The following ITGA3 variants were observed in gnomAD, a reference collection of about 807,000 sequenced individuals.
ITGA3 encodes the protein integrin subunit alpha 3.
In ITGA3, 70 loss-of-function variants were observed where a neutral mutation model predicts 131.1. The ratio of observed to expected loss-of-function variants is 0.53; its 90% confidence interval spans 0.44 to 0.65. The LOEUF is 0.65. Ranked by LOEUF, ITGA3 falls within the 30% of genes least tolerant of loss-of-function variation. ITGA3 has a pLI of 0.00. For missense variants in ITGA3, 1,098 were observed against 1,388.6 expected, an observed-to-expected ratio of 0.79 and a Z score of 3.33; for synonymous variants, 537 against 571.6, an observed-to-expected ratio of 0.94 and a Z score of 0.86.
intron 23 of ITGA3, chr17:50,087,490 G>C (rs1350889804): frequency 4.6e-6 from 2 of 431,992 alleles, no homozygotes; most frequent in African/African-American, 4.0e-5. Flanking sequence ...CAGATGTGTG[G>C]GTCACACACC....
intron 1 of ITGA3, among the ~76,000 whole-genome samples, chr17:50,057,978 T>C (rs1410833845): frequency 6.6e-6 from 1 of 152,238 alleles, no homozygotes; most frequent in African/African-American, 2.4e-5. Context: ...ACCCTCTATC[T>C]TTTGGAGATC....
rs1224301721 is a variant in ITGA3 at position 50,089,721 on chromosome 17, G to A, written c.*643G>A. The A allele has an allele frequency of 5.8e-6, 1 of 173,378 alleles. No individual in the cohort carries two copies. Among genetic ancestry groups the A allele is most frequent in the African/African-American group, 2.4e-5 (1 of 42,486 alleles). 10.7% of individuals were successfully genotyped at this position (173,378 alleles called of 1,614,324 possible). On this transcript the variant is annotated 3_prime_UTR_variant, in exon 26 of 26. Transcript: ENST00000320031. ...ACTTTGCTGTCAAAACTACTGACAG[G>A]GAGCAGCCCCCGGGCCGCTGGCTGG...
chr17:50,085,653 A>C (rs1909354044), intron 23 of ITGA3, among the ~76,000 whole-genome samples: 1 of 147,390 alleles, frequency 6.8e-6, no homozygotes, highest in African/African-American at 2.5e-5. Context: ...AACAGAATGG[A>C]ACTCTGTCTC....
chr17:50,072,801 CAA>C (rs1400546181), intron 7 of ITGA3, among the ~76,000 whole-genome samples: 1 of 151,942 alleles, frequency 6.6e-6, no homozygotes, highest in Non-Finnish European at 1.5e-5. Flanking sequence ...AGGAATGGGA[CAA>C]GGTGGGAGCC....
rs778396793 is a variant in ITGA3, at chr17:50,076,346, C to G, written c.1695C>G (p.Leu565=). 3.7e-6 allele frequency: 6 copies of G among 1,613,686 alleles called. No individual in the cohort carries two copies. The South Asian group carries it at 6.6e-5, about 18-fold the overall frequency. The stretch of plus-strand genomic sequence containing the variant: ...CCCAGGACAACCTCCGTGACAAACT[C>G]CGCCCCATCATCATCTCCATGAACT... ...LLLMDNLRDK[L]RPIIISMNYS... is the part of the protein sequence containing the mutation. The change falls in exon 13 of 26, where the codon CTC becomes CTG. Residue 565 remains leucine, a synonymous_variant. Coordinates refer to ENST00000320031, the MANE Select transcript of ITGA3 (RefSeq NM_002204.4).
chr17:50,070,439 A>G lies in ITGA3; in HGVS notation c.665-405A>G, dbSNP rs553274893. On this transcript the variant is annotated intron_variant, in intron 4 of 25. Transcript: ENST00000320031. ...GGCAGATGGATCACTTGAGGCCAGG[A>G]GTTTGAGACCAGCCTGGCCAACATG... Among the ~76,000 whole-genome samples, 14 of 152,256 alleles carry G rather than the reference A, an allele frequency of 9.2e-5. No homozygotes were observed. In the Middle Eastern group the frequency reaches 0.01, roughly 111 times the overall value.
chr17:50,071,829 G>A, intron 6 of ITGA3, 157 bp from the exon 7 acceptor site: 1 of 671,574 alleles, frequency 1.5e-6, no homozygotes, highest in Non-Finnish European at 2.5e-6. Context: ...GCATCTCCAT[G>A]TCCTTCCCAT....
intron 1 of ITGA3, among the ~76,000 whole-genome samples, chr17:50,058,066 C>G (rs1380495572): frequency 3.3e-5 from 5 of 152,228 alleles, no homozygotes; most frequent in Non-Finnish European, 5.9e-5. Flanking sequence ...ACTTTCAATG[C>G]CAAATCTGCA....
intron 11 of ITGA3, 36 bp from the exon 12 acceptor site, chr17:50,075,563 C>T: frequency 6.2e-7 from 1 of 1,614,216 alleles, no homozygotes; most frequent in East Asian, 2.2e-5. Context: ...GGGTACGCTC[C>T]CCTGTCCCCT....
At chr17:50,057,394 CTCTT>C (rs535044218) in intron 1 of ITGA3, among the ~76,000 whole-genome samples, 15 of 152,356 alleles carry the variant, frequency 9.8e-5, no homozygotes, top group African/African-American at 3.4e-4. Flanking sequence ...CAGTGTTTTT[CTCTT>C]TCTTCTGTTC....
rs1241674844 is a variant in ITGA3 at position 50,064,544 on chromosome 17, C to G, written c.351C>G (p.His117Gln). The part of the protein sequence containing the change: ...NITVKNDPGH[H>Q]IIEDMWLGVT... ...TGCCCACAGATGACCCTGGCCATCA[C>G]ATTATTGAGGACATGTGGCTTGGAG... The change falls in exon 3 of 26, where the codon CAC (histidine) becomes CAG (glutamine). Residue 117 changes from histidine (H) to glutamine (Q), a missense_variant. Physicochemically the swap from His to Gln is conservative, Grantham distance 24. Coordinates refer to ENST00000320031, the MANE Select transcript of ITGA3 (RefSeq NM_002204.4). This position sits in a 1 kb window ranked among gnomAD's most constrained non-coding sequence, Gnocchi z 4.4. The G allele has an allele frequency of 6.2e-7, 1 of 1,612,826 alleles. No homozygotes were observed. Among genetic ancestry groups the G allele is most frequent in the Non-Finnish European group, 8.5e-7 (1 of 1,179,738 alleles).
intron 18 of ITGA3, 58 bp downstream of exon 18, chr17:50,078,342 C>T (rs1367338595): frequency 1.4e-6 from 2 of 1,448,212 alleles, no homozygotes; most frequent in Admixed American, 3.5e-5. Flanking sequence ...CTAGGGTTCC[C>T]TATCCCCAAG....
chr17:50,073,910 C>A lies in ITGA3; in HGVS notation c.1157-6C>A, dbSNP rs1908750386. 1 of 1,613,106 alleles carries A rather than the reference C, an allele frequency of 6.2e-7. No individual in the cohort carries two copies. Among genetic ancestry groups the A allele is most frequent in the Non-Finnish European group, 8.5e-7 (1 of 1,179,156 alleles). On this transcript the variant is annotated splice_region_variant and splice_polypyrimidine_tract_variant and intron_variant, in intron 7 of 25. Coordinates refer to ENST00000320031, the MANE Select transcript of ITGA3 (RefSeq NM_002204.4). The stretch of plus-strand genomic sequence containing the variant: ...GGGTGACCCTGTCTTGCCTTTTCTT[C>A]TGCAGATATTGCTGTGGGAGCTCCG...
chr17:50,088,406 C>G, intron 25 of ITGA3, 40 bp downstream of exon 25: 1 of 1,093,154 alleles, frequency 9.1e-7, no homozygotes, highest in Non-Finnish European at 1.4e-6. Context: ...AGCCCCACAG[C>G]TGGCCGGGCC....
At chr17:50,074,053 C>A (rs375217313) in intron 8 of ITGA3, 49 bp downstream of exon 8, 1 of 1,550,942 alleles carries the variant, frequency 6.4e-7, no homozygotes, top group Non-Finnish European at 8.9e-7. Context: ...CCGAGATGGG[C>A]CTTCCTTGCT....
chr17:50,066,166 A>C (rs572046728), intron 3 of ITGA3: 54 of 151,958 alleles, frequency 3.6e-4, no homozygotes, highest in African/African-American at 1.3e-3. Context: ...GCTAATTTTT[A>C]AAGTTTTTAT....
intron 22 of ITGA3, 115 bp from the exon 23 acceptor site, chr17:50,081,195 T>C (rs77795235): frequency 5.6e-4 from 352 of 631,432 alleles, no homozygotes; most frequent in Non-Finnish European, 7.6e-4. Flanking sequence ...TCCTTTGGGG[T>C]GCTGTTTAAG....
chr17:50,090,032 T>G lies in ITGA3; in HGVS notation c.*954T>G. On this transcript the variant is annotated 3_prime_UTR_variant, in exon 26 of 26. Transcript: ENST00000320031. ...CCTCCACAGAGAGGAGGGGACCAAT[T>G]CTGGACAGACAGATGTTGGGAGGAT... The G allele has an allele frequency of 3.4e-6, 1 of 289,888 alleles. No individual in the cohort carries two copies. Among genetic ancestry groups the G allele is most frequent in the Admixed American group, 4.1e-5 (1 of 24,252 alleles). 18.0% of individuals were successfully genotyped at this position (289,888 alleles called of 1,614,324 possible).
chr17:50,061,632 T>G (rs1350506864), intron 1 of ITGA3, among the ~76,000 whole-genome samples: 1 of 152,080 alleles, frequency 6.6e-6, no homozygotes. Flanking sequence ...AGTGATCACC[T>G]GGTATCCTCA....
Sources: gnomAD v4.1 joint callset for allele counts (sites outside exome capture counted in the v4.1 genomes callset) on GRCh38, gnomAD v4.1.1 for gene constraint, Gnocchi (gnomAD v3.1) non-coding constraint, MANE v1.5 for transcripts, NCBI Gene and HGNC (gene_info 2026-07-23, HGNC 2026-07-21) for gene names.